Variants in HAO2 observed in about 807,000 individuals in gnomAD.
HAO2 encodes the protein hydroxyacid oxidase 2.
In HAO2, 42 loss-of-function variants were observed where a neutral mutation model predicts 37.4. The observed-to-expected ratio is 1.12, with a 90% CI of 0.88 to 1.45. The LOEUF (loss-of-function observed/expected upper bound fraction) is 1.45. Ranked by LOEUF, HAO2 falls within the 40% of genes most tolerant of loss-of-function variation. HAO2 has a pLI of 0.00. For missense variants in HAO2, 476 were observed against 430.2 expected (o/e 1.11, Z -0.94); for synonymous variants, 180 against 162.8 (o/e 1.11, Z -0.81).
In HAO2 at chr1:119,386,806, G is replaced by A. The variant is rs149105856; in HGVS notation, c.746G>A (p.Arg249Lys). ...QGIIVSNHGG[R>K]QLDEVLASID... ...ATCATTGTTTCCAACCATGGTGGGA[G>A]GCAGCTTGATGAGGTTCTTGCTTCA... is the stretch of plus-strand genomic sequence containing the variant. The change falls in exon 5 of 8, where the codon AGG becomes AAG. Residue 249 changes from arginine to lysine, a missense_variant. Arg to Lys is a conservative substitution (Grantham distance 26, BLOSUM62 2). Transcript: ENST00000325945. 210 of 1,611,986 alleles carry A rather than the reference G, an allele frequency of 1.3e-4. No individual in the cohort carries two copies. Among genetic ancestry groups the A allele is most frequent in the Middle Eastern group, 8.3e-4 (5 of 6,058 alleles).
intron 1 of HAO2, among the ~76,000 whole-genome samples, chr1:119,375,654 G>A (rs971055276): frequency 6.6e-6 from 1 of 152,068 alleles, no homozygotes; most frequent in African/African-American, 2.4e-5. Context: ...AAATACCTGA[G>A]ACTGGGTAAC....
chr1:119,378,547 A>G (rs1319241291), intron 1 of HAO2, among the ~76,000 whole-genome samples: 2 of 152,198 alleles, frequency 1.3e-5, no homozygotes, highest in African/African-American at 4.8e-5. Flanking sequence ...GATAGAAAAG[A>G]GTCTAAGGAA....
intron 1 of HAO2, among the ~76,000 whole-genome samples, chr1:119,375,705 T>C (rs1004531356): frequency 1.7e-4 from 26 of 152,176 alleles, no homozygotes; most frequent in Non-Finnish European, 8.8e-5. Context: ...CAGTTCCACA[T>C]AGCTGAAGGG....
Position 119,386,810 on chromosome 1 carries a change from G to A in HAO2, c.750G>A (p.Gln250=). The part of the protein sequence containing the change: ...GIIVSNHGGR[Q]LDEVLASIDA... ...TTGTTTCCAACCATGGTGGGAGGCA[G>A]CTTGATGAGGTTCTTGCTTCAGTAA... The change falls in exon 5 of 8, where the codon CAG becomes CAA. Residue 250 remains glutamine (Q), a synonymous_variant. Coordinates refer to ENST00000325945, the MANE Select transcript of HAO2 (RefSeq NM_016527.4). The A allele has an allele frequency of 1.2e-6, 2 of 1,610,772 alleles. No homozygotes were observed. The highest frequency in any genetic ancestry group is 1.7e-6 in the Non-Finnish European group (2 of 1,176,980).
At chr1:119,390,849 G>A (rs897028630) in intron 5 of HAO2, among the ~76,000 whole-genome samples, 2 of 152,062 alleles carry the variant, frequency 1.3e-5, no homozygotes, top group Non-Finnish European at 2.9e-5. Context: ...TATAGCACTG[G>A]CAACAACCTG....
rs1340053649 is a variant in HAO2, at chr1:119,393,876, C to T, written c.*36C>T. The T allele has an allele frequency of 6.2e-7, 1 of 1,611,820 alleles. No homozygotes were observed. The highest frequency in any genetic ancestry group is 8.5e-7 in the Non-Finnish European group (1 of 1,178,322). The stretch of plus-strand genomic sequence containing the variant: ...CCAATAACCAGACTGCTGAGGTTGC[C>T]CACAGGAGGATCACAAACTCACAGC... On this transcript the variant is annotated 3_prime_UTR_variant, in exon 8 of 8. Transcript: ENST00000325945.
chr1:119,389,702 T>G (rs1195586815), intron 5 of HAO2, among the ~76,000 whole-genome samples: 1 of 151,978 alleles, frequency 6.6e-6, no homozygotes, highest in African/African-American at 2.4e-5. Context: ...TTTTGTCAGA[T>G]GTATAGATTT....
At chr1:119,386,391 C>A (rs926278896) in intron 4 of HAO2, among the ~76,000 whole-genome samples, 3 of 151,986 alleles carry the variant, frequency 2.0e-5, no homozygotes, top group African/African-American at 7.2e-5. Flanking sequence ...AGAGGAGCAG[C>A]AGCAGGGTCT....
intron 1 of HAO2, among the ~76,000 whole-genome samples, chr1:119,378,579 T>C (rs1649668487): frequency 6.6e-6 from 1 of 152,140 alleles, no homozygotes; most frequent in Non-Finnish European, 1.5e-5. Flanking sequence ...GGTATCGAAA[T>C]GAGATAAAAT....
chr1:119,372,335 G>A (rs1344554286), intron 1 of HAO2, among the ~76,000 whole-genome samples: 1 of 152,220 alleles, frequency 6.6e-6, no homozygotes, highest in Admixed American at 6.5e-5. Context: ...ATGTTAAGAT[G>A]CCTTTGAGGG....
chr1:119,374,350 C>G (rs1329681895), intron 1 of HAO2, among the ~76,000 whole-genome samples: 1 of 152,204 alleles, frequency 6.6e-6, no homozygotes, highest in Non-Finnish European at 1.5e-5. Context: ...AGCCTCTCCC[C>G]TGACAGTGCT....
intron 1 of HAO2, among the ~76,000 whole-genome samples, chr1:119,376,203 C>A (rs1649452772): frequency 6.6e-6 from 1 of 152,174 alleles, no homozygotes; most frequent in Admixed American, 6.5e-5. Flanking sequence ...TGGGTAAATA[C>A]CGCCATTCCA....
chr1:119,386,872 CTGTG>C, intron 5 of HAO2, 41 bp downstream of exon 5: 1 of 1,261,008 alleles, frequency 7.9e-7, no homozygotes, highest in Non-Finnish European at 1.2e-6. Flanking sequence ...TTTGTGAGTG[CTGTG>C]TGTGTATGTG....
intron 1 of HAO2, among the ~76,000 whole-genome samples, chr1:119,378,157 A>G (rs1649630509): frequency 6.6e-6 from 1 of 152,224 alleles, no homozygotes; most frequent in South Asian, 2.1e-4. Flanking sequence ...GAAAATAGAG[A>G]ATGTCTATCT....
rs1311195691 is a variant in HAO2, at chr1:119,392,250, A to G, written c.912A>G (p.Leu304=). 3 of 1,612,298 alleles carry G rather than the reference A, an allele frequency of 1.9e-6. No homozygotes were observed. Among genetic ancestry groups the G allele is most frequent in the African/African-American group, 2.7e-5 (2 of 74,840 alleles). Residue 304 remains leucine (L), a synonymous_variant, in exon 6 of 8, where the codon CTA becomes CTG. Coordinates refer to ENST00000325945, the MANE Select transcript of HAO2 (RefSeq NM_016527.4). ...AKCIFLGRPI[L]WGLACKGEHG... ...GCATTTTTCTTGGGAGACCAATCCTATGGGGCCTTGCCTGCAAGGTGAGAG... is the reference window on the plus strand; with the variant it reads ...GCATTTTTCTTGGGAGACCAATCCTGTGGGGCCTTGCCTGCAAGGTGAGAG...
chr1:119,374,648 A>G (rs1309356366), intron 1 of HAO2, among the ~76,000 whole-genome samples: 1 of 152,104 alleles, frequency 6.6e-6, no homozygotes, highest in African/African-American at 2.4e-5. Flanking sequence ...TCCACAGCCT[A>G]CCCTGCAATT....
chr1:119,376,990 A>C (rs955513987), intron 1 of HAO2, among the ~76,000 whole-genome samples: 2 of 152,206 alleles, frequency 1.3e-5, no homozygotes, highest in African/African-American at 2.4e-5. Flanking sequence ...TCCTCGTTAC[A>C]TATGCAAATT....
At chr1:119,382,032 C>G (rs1227040962) in intron 2 of HAO2, among the ~76,000 whole-genome samples, 1 of 152,096 alleles carries the variant, frequency 6.6e-6, no homozygotes, top group Non-Finnish European at 1.5e-5. Context: ...CTTGCTGATT[C>G]CTGTGATACA....
At chr1:119,382,867 C>T in intron 2 of HAO2, 48 bp from the exon 3 acceptor site, 1 of 1,580,750 alleles carries the variant, frequency 6.3e-7, no homozygotes, top group Non-Finnish European at 8.6e-7. Flanking sequence ...CGCCTCCCTG[C>T]TGCAGAATCA....
Sources: allele counts gnomAD v4.1 joint callset (sites outside exome capture counted in the v4.1 genomes callset), GRCh38; gene constraint gnomAD v4.1.1; transcripts MANE v1.5; gene names NCBI Gene and HGNC (gene_info 2026-07-23, HGNC 2026-07-21).